Variants in WARS2 observed in about 807,000 individuals in gnomAD.
WARS2 encodes the protein tryptophanyl tRNA synthetase 2, mitochondrial.
A neutral mutation model predicts 36.5 loss-of-function variants in WARS2; 28 were observed. The ratio of observed to expected loss-of-function variants is 0.77; its 90% CI spans 0.57 to 1.05. The LOEUF (loss-of-function observed/expected upper bound fraction) is 1.05. Among genes scored for constraint, WARS2 ranks in the 50% least tolerant of loss-of-function variants. The pLI is 0.00. For missense variants in WARS2, 435 were observed against 456.8 expected (o/e 0.95, Z 0.44); for synonymous variants, 174 against 178.4 (o/e 0.98, Z 0.20).
chr1:119,040,147 A>G (rs1342107067), intron 4 of WARS2, among the ~76,000 whole-genome samples: 1 of 152,248 alleles, frequency 6.6e-6, no homozygotes, highest in Non-Finnish European at 1.5e-5. Context: ...GAGAAAACAT[A>G]ATGAGACAAA....
intron 1 of WARS2, among the ~76,000 whole-genome samples, chr1:119,119,457 A>G (rs1655197916): frequency 6.6e-6 from 1 of 152,160 alleles, no homozygotes; most frequent in African/African-American, 2.4e-5. Flanking sequence ...AGACACAATA[A>G]TAGTGGGGAA....
chr1:119,116,362 A>G (rs986662601), intron 1 of WARS2, among the ~76,000 whole-genome samples: 4 of 152,238 alleles, frequency 2.6e-5, no homozygotes, highest in Non-Finnish European at 5.9e-5. Flanking sequence ...GGAGAAAAAA[A>G]GAATGGCAGG....
intron 1 of WARS2, among the ~76,000 whole-genome samples, chr1:119,096,305 T>C (rs1307696437): frequency 6.6e-6 from 1 of 152,212 alleles, no homozygotes; most frequent in Non-Finnish European, 1.5e-5. Context: ...AGCATTCTTG[T>C]AGTAATCAAT....
In WARS2 at chr1:119,049,073, A is replaced by G. The variant is rs149336826; in HGVS notation, c.349-3411T>C. Among the ~76,000 whole-genome samples the G allele has an allele frequency of 2.9e-3, 448 of 152,312 alleles. 6 individuals are homozygous for G. Among genetic ancestry groups the G allele is most frequent in the African/African-American group, 0.01 (429 of 41,572 alleles). ...GGCAACGGAGCGAGACTCTGTCCCA[A>G]AAATATAAAAAGTAAAAAATAAAAT... On this transcript the variant is annotated intron_variant, in intron 2 of 5. Transcript: ENST00000235521.
At chr1:119,066,525 A>G (rs1650890290) in intron 2 of WARS2, among the ~76,000 whole-genome samples, 1 of 151,630 alleles carries the variant, frequency 6.6e-6, no homozygotes. Flanking sequence ...GAAAAATGAT[A>G]ATGTATAACA....
At chr1:119,061,226 G>T (rs1447702824) in intron 2 of WARS2, among the ~76,000 whole-genome samples, 1 of 152,110 alleles carries the variant, frequency 6.6e-6, no homozygotes, top group Non-Finnish European at 1.5e-5. Context: ...AGTCAATGGA[G>T]ACCAAACCCG....
chr1:119,120,251 A>G (rs1286837486), intron 1 of WARS2, among the ~76,000 whole-genome samples: 2 of 152,120 alleles, frequency 1.3e-5, no homozygotes, highest in African/African-American at 4.8e-5. Context: ...AATACAAAAG[A>G]CAATTCAAGA....
intron 1 of WARS2, among the ~76,000 whole-genome samples, chr1:119,113,183 G>A (rs1446816498): frequency 6.6e-6 from 1 of 152,192 alleles, no homozygotes; most frequent in African/African-American, 2.4e-5. Context: ...GCAACAAATT[G>A]AGTTTGCCTA....
intron 1 of WARS2, among the ~76,000 whole-genome samples, chr1:119,095,509 C>T (rs1031338408): frequency 6.6e-6 from 1 of 151,342 alleles, no homozygotes; most frequent in African/African-American, 2.4e-5. Context: ...GCAACCTCCA[C>T]ACTGCCTGCC....
intron 2 of WARS2, among the ~76,000 whole-genome samples, chr1:119,068,837 T>C (rs187863845): frequency 7.4e-6 from 1 of 134,440 alleles, no homozygotes; most frequent in Non-Finnish European, 1.6e-5. Context: ...TCTCTCTCTC[T>C]CTCACACACA....
At chr1:119,069,257 A>T (rs2101268173) in intron 2 of WARS2, among the ~76,000 whole-genome samples, 1 of 152,286 alleles carries the variant, frequency 6.6e-6, no homozygotes, top group East Asian at 1.9e-4. Context: ...TAATTTCAAA[A>T]ATTCTTAATT....
At chr1:119,109,575 C>T (rs1014447712) in intron 1 of WARS2, among the ~76,000 whole-genome samples, 2 of 151,826 alleles carry the variant, frequency 1.3e-5, no homozygotes, top group Non-Finnish European at 3.0e-5. Flanking sequence ...TACTTTAAAT[C>T]CATATGTGTC....
chr1:119,125,695 A>G (rs753799177), intron 1 of WARS2, among the ~76,000 whole-genome samples: 29 of 152,208 alleles, frequency 1.9e-4, no homozygotes, highest in Non-Finnish European at 4.1e-4. Context: ...GAGAGTAGAT[A>G]TTTACACTTA....
At chr1:119,039,365 G>T (rs940138342) in intron 4 of WARS2, among the ~76,000 whole-genome samples, 15 of 151,932 alleles carry the variant, frequency 9.9e-5, no homozygotes, top group Non-Finnish European at 4.4e-5. Context: ...ATGTGTATGT[G>T]TGTGTGTATA....
At chr1:119,081,833 G>A (rs778585069) in intron 1 of WARS2, among the ~76,000 whole-genome samples, 252 of 152,180 alleles carry the variant, frequency 1.7e-3, no homozygotes, top group Non-Finnish European at 3.0e-3. Context: ...GAGAAGACCC[G>A]GCGTGACACT....
At position 119,130,409 on chromosome 1, in the gene WARS2, T is replaced by A. The variant is rs764007598; in HGVS notation, c.90+10146A>T. On this transcript the variant is annotated intron_variant, in intron 1 of 5. Transcript: ENST00000235521. Reference sequence around the variant, plus strand: ...TATAAAGAGGTGGCAAATCCTAGTATAATTAGTGGTACCTGTGAAAAATAC... The same window carrying A: ...TATAAAGAGGTGGCAAATCCTAGTAAAATTAGTGGTACCTGTGAAAAATAC... Among the ~76,000 whole-genome samples, 14 of 152,310 alleles carry A rather than the reference T, an allele frequency of 9.2e-5. No homozygotes were observed. The East Asian group carries it at 9.7e-4, about 11-fold the overall frequency.
At chr1:119,058,923 C>A (rs1650118160) in intron 2 of WARS2, among the ~76,000 whole-genome samples, 1 of 151,330 alleles carries the variant, frequency 6.6e-6, no homozygotes, top group African/African-American at 2.4e-5. Flanking sequence ...ACAGTCCCAC[C>A]AACAGTGTAA....
Position 119,045,646 on chromosome 1 carries a change from T to A in WARS2, c.365A>T (p.Gln122Leu). ...CATGCAGGAAAGGATCCAACTTAATTGTGTGTGTTCAGACACCTAAAGAAA... is the reference window on the plus strand; with the variant it reads ...CATGCAGGAAAGGATCCAACTTAATAGTGTGTGTTCAGACACCTAAAGAAA... The part of the protein sequence containing the change: ...FQQSQVSEHT[Q>L]LSWILSCMVR... The change falls in exon 3 of 6, where the codon CAA (glutamine) becomes CTA (leucine). Residue 122 changes from glutamine (Q) to leucine (L), a missense_variant. Gln to Leu is a moderately radical substitution (Grantham distance 113). Transcript: ENST00000235521. The A allele has an allele frequency of 6.3e-7, 1 of 1,590,716 alleles. No homozygotes were observed. The highest frequency in any genetic ancestry group is 2.2e-5 in the East Asian group (1 of 44,662).
intron 3 of WARS2, among the ~76,000 whole-genome samples, chr1:119,043,976 T>C (rs903633088): frequency 5.3e-5 from 8 of 152,216 alleles, no homozygotes; most frequent in Non-Finnish European, 8.8e-5. Context: ...GATCCTCCTA[T>C]AGCACTGGAA....
Sources: allele counts gnomAD v4.1 joint callset (sites outside exome capture counted in the v4.1 genomes callset), GRCh38; gene constraint gnomAD v4.1.1; transcripts MANE v1.5; gene names NCBI Gene and HGNC (gene_info 2026-07-23, HGNC 2026-07-21).